The following TRIM49B variants were observed in gnomAD, a reference collection of about 807,000 sequenced individuals.
The protein encoded by TRIM49B is tripartite motif containing 49B.
Under a neutral mutation model 31.8 loss-of-function variants are expected in TRIM49B, and 18 were observed. The ratio of observed to expected loss-of-function variants is 0.57; its 90% CI spans 0.39 to 0.84. The LOEUF is 0.84. Ranked by LOEUF, TRIM49B falls within the 40% of genes least tolerant of loss-of-function variation. The pLI, the probability that TRIM49B is intolerant of heterozygous loss-of-function variation, is 0.00. For synonymous variants in TRIM49B, 196 were observed against 180.6 expected, an observed-to-expected ratio of 1.09 and a Z score of -0.68; for missense variants, 494 against 538.7, an observed-to-expected ratio of 0.92 and a Z score of 0.82.
intron 1 of TRIM49B, among the ~76,000 whole-genome samples, chr11:49,029,982 G>A (rs569982924): frequency 7.2e-5 from 11 of 152,242 alleles, no homozygotes; most frequent in Admixed American, 2.6e-4. Context: ...GTATACCATA[G>A]GTGTGTAGTA....
Position 49,029,674 on chromosome 11 carries a change from G to T in TRIM49B, c.-5+699G>T, listed in dbSNP as rs1171814289. Among the ~76,000 whole-genome samples the T allele has an allele frequency of 2.6e-5, 4 of 152,136 alleles. No individual in the cohort carries two copies. The East Asian group carries it at 7.7e-4, about 29-fold the overall frequency. ...AGCTTTATGCTGCTTTATGCTAAAG[G>T]ACTTAAAATTGCCAAAACAAAGATT... is the stretch of plus-strand genomic sequence containing the variant. On this transcript the variant is annotated intron_variant, in intron 1 of 6. Coordinates refer to ENST00000332682, the MANE Select transcript of TRIM49B (RefSeq NM_001206626.2).
chr11:49,037,981 G>C lies in TRIM49B; in HGVS notation c.*4G>C. 1.2e-6 allele frequency: 2 copies of C among 1,604,952 alleles called. No homozygotes were observed. The highest frequency in any genetic ancestry group is 8.5e-7 in the Non-Finnish European group (1 of 1,176,774). ...CTTTTGCTGTATTCACTTCTGACCA[G>C]AGACAAATCAGAAATGTGTTCACAT... On this transcript the variant is annotated 3_prime_UTR_variant, in exon 7 of 7. Transcript: ENST00000332682.
At chr11:49,030,351 C>CA (rs61403617) in intron 1 of TRIM49B, among the ~76,000 whole-genome samples, 1 of 151,888 alleles carries the variant, frequency 6.6e-6, no homozygotes, top group Non-Finnish European at 1.5e-5. Flanking sequence ...AAAAGAAAAA[C>CA]AAAAAAAACT....
At chr11:49,030,619 T>C (rs188805654) in intron 1 of TRIM49B, among the ~76,000 whole-genome samples, 3,727 of 152,144 alleles carry the variant, frequency 0.024, 153 homozygotes, top group African/African-American at 0.085. Context: ...ATCTGAGGTG[T>C]CAGCTGACTG....
intron 6 of TRIM49B, among the ~76,000 whole-genome samples, chr11:49,036,620 G>T (rs1322926460): frequency 1.3e-5 from 2 of 152,080 alleles, no homozygotes; most frequent in Non-Finnish European, 2.9e-5. Flanking sequence ...GGCATAATAT[G>T]TACTGAGTTA....
chr11:49,032,461 G>A (rs1854466661), intron 3 of TRIM49B, 90 bp downstream of exon 3: 10 of 1,555,734 alleles, frequency 6.4e-6, no homozygotes, highest in Admixed American at 2.2e-5. Flanking sequence ...AAACTGTAAT[G>A]TTTCTGGGAT....
intron 1 of TRIM49B, among the ~76,000 whole-genome samples, chr11:49,030,574 G>A (rs1854431487): frequency 6.6e-6 from 1 of 152,028 alleles, no homozygotes; most frequent in South Asian, 2.1e-4. Flanking sequence ...GGAGAGAGAC[G>A]GAGGAAGTTG....
At position 49,035,339 on chromosome 11, in the gene TRIM49B, A is replaced by ATTTTTTTTTTTT. The variant is rs1162056301; in HGVS notation, c.761+249_761+260dup. 1.9e-3 allele frequency among the ~76,000 whole-genome samples: 110 copies of ATTTTTTTTTTTT among 56,810 alleles called. 21 individuals are homozygous for ATTTTTTTTTTTT. The highest frequency in any genetic ancestry group is 5.1e-3 in the South Asian group (5 of 986). The allele number at this position is 56,810 out of a possible 152,430, so 37.3% of individuals were successfully genotyped here. On this transcript the variant is annotated intron_variant, in intron 5 of 6. Coordinates refer to ENST00000332682, the MANE Select transcript of TRIM49B (RefSeq NM_001206626.2). ...ACTAAAACAAACAATTTGATTCCTG[A>ATTTTTTTTTTTT]TTTTTTTTTTTTTTTTTTTTTTTTT...
intron 1 of TRIM49B, among the ~76,000 whole-genome samples, chr11:49,030,891 G>A (rs2696924): frequency 0.81 from 122,692 of 151,982 alleles, 49,848 homozygotes; most frequent in African/African-American, 0.84. Flanking sequence ...AATTTAATCC[G>A]CAAGAAAATA....
intron 1 of TRIM49B, 61 bp from the exon 2 acceptor site, chr11:49,031,535 A>G: frequency 1.9e-6 from 3 of 1,588,864 alleles, no homozygotes; most frequent in Middle Eastern, 2.2e-4. Flanking sequence ...ATATCTCCAC[A>G]TGTTTAGAAG....
chr11:49,032,208 C>T, intron 2 of TRIM49B, 68 bp from the exon 3 acceptor site: 1 of 1,611,964 alleles, frequency 6.2e-7, no homozygotes, highest in South Asian at 1.1e-5. Context: ...GTTTATTTGT[C>T]TCTCATTCTG....
intron 5 of TRIM49B, 66 bp from the exon 6 acceptor site, chr11:49,036,235 A>T: frequency 6.2e-7 from 1 of 1,600,420 alleles, no homozygotes; most frequent in Non-Finnish European, 8.5e-7. Context: ...TGTCTTTTAC[A>T]TACAAATAGT....
In TRIM49B at chr11:49,037,610, G is replaced by A. The variant is rs774093006; in HGVS notation, c.992G>A (p.Trp331Ter). Residue 331 changes from tryptophan to a stop codon, truncating the protein, a stop_gained, in exon 7 of 7, where the codon TGG (tryptophan) becomes TAG (stop). Coordinates refer to ENST00000332682, the MANE Select transcript of TRIM49B (RefSeq NM_001206626.2). LOFTEE classifies it low-confidence loss of function (END_TRUNC). Reference sequence around the variant, plus strand: ...GCAACACCTAGAAGTTTTCTTGCATGGGGTGCTCAGACTTTCACCTCGGGC... The same window carrying A: ...GCAACACCTAGAAGTTTTCTTGCATAGGGTGCTCAGACTTTCACCTCGGGC... The part of the protein sequence containing the change: ...FTATPRSFLA[W>*]GAQTFTSGKY... 1 of 1,614,022 alleles carries A rather than the reference G, an allele frequency of 6.2e-7. No homozygotes were observed. Among genetic ancestry groups the A allele is most frequent in the Admixed American group, 1.7e-5 (1 of 60,018 alleles).
intron 1 of TRIM49B, among the ~76,000 whole-genome samples, chr11:49,029,961 T>C (rs1225328203): frequency 6.6e-6 from 1 of 152,184 alleles, no homozygotes; most frequent in Non-Finnish European, 1.5e-5. Flanking sequence ...GTAGGAACAA[T>C]AGGCTATAGT....
chr11:49,034,011 A>C, intron 3 of TRIM49B, 135 bp from the exon 4 acceptor site: 1 of 1,483,646 alleles, frequency 6.7e-7, no homozygotes. Context: ...GGAAAGGAAC[A>C]AAATTTGTAG....
intron 3 of TRIM49B, among the ~76,000 whole-genome samples, chr11:49,033,090 A>G (rs1854475064): frequency 6.6e-6 from 1 of 152,198 alleles, no homozygotes; most frequent in Admixed American, 6.5e-5. Flanking sequence ...GCATTTCATG[A>G]GAACCTAGTC....
chr11:49,032,447 T>C, intron 3 of TRIM49B, 76 bp downstream of exon 3: 1 of 1,602,554 alleles, frequency 6.2e-7, no homozygotes, highest in African/African-American at 1.4e-5. Flanking sequence ...AGGAACTGGA[T>C]ATCAAACTGT....
chr11:49,037,714 A>G lies in TRIM49B; in HGVS notation c.1096A>G (p.Asn366Asp), dbSNP rs1249611748. ...CTGTAATATGTATTGGAAAGAGAAG[A>G]ATCAGAATGAGAAGATAGATGGAGA... The part of the protein sequence containing the change: ...GVCNMYWKEK[N>D]QNEKIDGEDG... Residue 366 changes from asparagine (N) to aspartate (D), a missense_variant, in exon 7 of 7, where the codon AAT (asparagine) becomes GAT (aspartate). By Grantham distance (23) the Asn-to-Asp change is conservative. Transcript: ENST00000332682. 6.2e-7 allele frequency: 1 copy of G among 1,613,946 alleles called. No homozygotes were observed. Among genetic ancestry groups the G allele is most frequent in the South Asian group, 1.1e-5 (1 of 91,072 alleles).
rs1008849930 is a variant in TRIM49B at position 49,031,947 on chromosome 11, C to T, written c.348C>T (p.Ser116=). Residue 116 remains serine, a synonymous_variant, in exon 2 of 7, where the codon TCC becomes TCT. Coordinates refer to ENST00000332682, the MANE Select transcript of TRIM49B (RefSeq NM_001206626.2). ...GGAGCCTGCTCTGTTTGCTGTGCTC[C>T]AGCTCTCAGGAGCACCGGGATCACA... ...VDRSLLCLLC[S]SSQEHRDHRH... 1 of 1,611,908 alleles carries T rather than the reference C, an allele frequency of 6.2e-7. No homozygotes were observed. The highest frequency in any genetic ancestry group is 1.3e-5 in the African/African-American group (1 of 74,860).
Sources: allele counts gnomAD v4.1 joint callset (sites outside exome capture counted in the v4.1 genomes callset), GRCh38; gene constraint gnomAD v4.1.1; transcripts MANE v1.5; gene names NCBI Gene and HGNC (gene_info 2026-07-23, HGNC 2026-07-21).